Variants in FGF14 observed in about 807,000 individuals in gnomAD.
FGF14 encodes the protein fibroblast growth factor 14.
In FGF14, 5 loss-of-function variants were observed where a neutral mutation model predicts 25.5. The observed-to-expected ratio is 0.20, with a 90% CI of 0.10 to 0.41. The LOEUF (loss-of-function observed/expected upper bound fraction) is 0.41. Among genes scored for constraint, FGF14 ranks in the 10% least tolerant of loss-of-function variants. The pLI is 1.00. For synonymous variants in FGF14, 138 were observed against 118.3 expected, an observed-to-expected ratio of 1.17 and a Z score of -1.08; for missense variants, 222 against 320.1, an observed-to-expected ratio of 0.69 and a Z score of 2.34.
chr13:101,712,953 T>A lies in FGF14; in HGVS notation c.*9878A>T, dbSNP rs2034543077. The stretch of plus-strand genomic sequence containing the variant: ...AGGGCTGTCAGTCAATTATTAAAAC[T>A]GAGAAGACGTGTATATTTCCTCAAG... On this transcript the variant is annotated 3_prime_UTR_variant, in exon 5 of 5. Transcript: ENST00000376143. The A allele has an allele frequency of 6.6e-6, 1 of 152,158 alleles. No homozygotes were observed. The highest frequency in any genetic ancestry group is 1.5e-5 in the Non-Finnish European group (1 of 68,040). 9.4% of individuals were successfully genotyped at this position (152,158 alleles called of 1,614,324 possible).
chr13:101,968,612 G>C (rs928314934), intron 1 of FGF14, among the ~76,000 whole-genome samples: 17 of 149,642 alleles, frequency 1.1e-4, no homozygotes, highest in African/African-American at 4.2e-4. Flanking sequence ...GACGGAGCTT[G>C]CAGTGAGCTG....
chr13:101,867,072 G>A (rs1167897269), intron 3 of FGF14, among the ~76,000 whole-genome samples: 1 of 152,080 alleles, frequency 6.6e-6, no homozygotes, highest in Non-Finnish European at 1.5e-5. Context: ...AATTGTTCCC[G>A]GGACTCACCC....
At position 101,711,971 on chromosome 13, in the gene FGF14, C is replaced by T. The variant is rs1204397397; in HGVS notation, c.*10860G>A. 1.3e-5 allele frequency: 2 copies of T among 152,198 alleles called. No homozygotes were observed. The highest frequency in any genetic ancestry group is 3.9e-4 in the East Asian group (2 of 5,176). 9.4% of individuals were successfully genotyped at this position (152,198 alleles called of 1,614,324 possible). On this transcript the variant is annotated 3_prime_UTR_variant, in exon 5 of 5. Coordinates refer to ENST00000376143, the MANE Select transcript of FGF14 (RefSeq NM_004115.4). ...GCCAGCTGAGTTGAACCATTTCTCA[C>T]CTCTTGATAGTCATGCAGCCTACAT...
intron 2 of FGF14, among the ~76,000 whole-genome samples, chr13:101,874,854 T>C (rs1479258867): frequency 6.6e-6 from 1 of 152,152 alleles, no homozygotes; most frequent in Non-Finnish European, 1.5e-5. Context: ...AGAAAACATG[T>C]AATTAATTTT....
At chr13:101,927,378 G>A (rs1309901598) in intron 1 of FGF14, among the ~76,000 whole-genome samples, 2 of 152,210 alleles carry the variant, frequency 1.3e-5, no homozygotes, top group South Asian at 2.1e-4. Flanking sequence ...GCAGTCAGCT[G>A]TGCTCAGGAG....
intron 3 of FGF14, among the ~76,000 whole-genome samples, chr13:101,765,718 T>TTTATTTA (rs2038347205): frequency 7.0e-6 from 1 of 143,320 alleles, no homozygotes; most frequent in African/African-American, 2.7e-5. Flanking sequence ...ATTATTATTA[T>TTTATTTA]TTTATTTATT....
chr13:101,891,123 A>C (rs890577198), intron 1 of FGF14, among the ~76,000 whole-genome samples: 1 of 152,116 alleles, frequency 6.6e-6, no homozygotes, highest in Non-Finnish European at 1.5e-5. Flanking sequence ...TGAATTCATA[A>C]TTCACATCTT....
intron 3 of FGF14, among the ~76,000 whole-genome samples, chr13:101,823,020 G>C (rs1001849517): frequency 6.6e-5 from 10 of 152,100 alleles, no homozygotes; most frequent in Non-Finnish European, 8.8e-5. Context: ...TTAGTATAAT[G>C]TAGCATATGC....
chr13:101,930,361 TCTC>T (rs141492769), intron 1 of FGF14, among the ~76,000 whole-genome samples: 2,828 of 152,308 alleles, frequency 0.019, 104 homozygotes, highest in African/African-American at 0.065. Context: ...AAAATATTGC[TCTC>T]TTTATGGTCA....
intron 1 of FGF14, among the ~76,000 whole-genome samples, chr13:101,915,314 T>C (rs1236058837): frequency 6.6e-6 from 1 of 152,222 alleles, no homozygotes; most frequent in East Asian, 1.9e-4. Context: ...GAAACACATG[T>C]ATAGCTTATG....
intron 1 of FGF14, among the ~76,000 whole-genome samples, chr13:102,165,649 A>C (rs2047969610): frequency 3.2e-5 from 1 of 31,068 alleles, no homozygotes. Flanking sequence ...GGAACATCAC[A>C]TACTGGGGCC....
intron 1 of FGF14, among the ~76,000 whole-genome samples, chr13:102,252,080 A>G (rs758591711): frequency 1.3e-5 from 2 of 152,160 alleles, no homozygotes; most frequent in African/African-American, 2.4e-5. Flanking sequence ...ATCTATCTGG[A>G]CCATGTTAGG....
chr13:102,101,636 AAG>A (rs1202901861), intron 1 of FGF14, among the ~76,000 whole-genome samples: 2 of 152,224 alleles, frequency 1.3e-5, no homozygotes, highest in African/African-American at 4.8e-5. Flanking sequence ...ACTTGTAGAG[AAG>A]AGTCAGGTGT....
chr13:102,384,636 TTACTC>T (rs1479595663), intron 1 of FGF14, among the ~76,000 whole-genome samples: 1 of 152,164 alleles, frequency 6.6e-6, no homozygotes, highest in African/African-American at 2.4e-5. Context: ...AAATGAAAGA[TTACTC>T]TATGATATTA....
chr13:102,018,101 A>G (rs2040441247), intron 1 of FGF14, among the ~76,000 whole-genome samples: 1 of 152,116 alleles, frequency 6.6e-6, no homozygotes, highest in Admixed American at 6.6e-5. Flanking sequence ...GTTTTCTTAA[A>G]AAGTTTGGTG....
At chr13:102,152,137 C>T (rs1252469480) in intron 1 of FGF14, among the ~76,000 whole-genome samples, 1 of 152,098 alleles carries the variant, frequency 6.6e-6, no homozygotes, top group African/African-American at 2.4e-5. Flanking sequence ...GTTTTCTATA[C>T]CTGAAAGTGA....
intron 1 of FGF14, among the ~76,000 whole-genome samples, chr13:101,902,773 T>C (rs910857043): frequency 8.5e-5 from 13 of 152,242 alleles, no homozygotes; most frequent in African/African-American, 3.1e-4. Flanking sequence ...TGTCATGGTT[T>C]TGAGAATCTG....
At chr13:101,745,893 A>G (rs555652655) in intron 3 of FGF14, among the ~76,000 whole-genome samples, 1 of 152,148 alleles carries the variant, frequency 6.6e-6, no homozygotes, top group South Asian at 2.1e-4. Flanking sequence ...GCTTGGGCAG[A>G]GTGCTCGCAA....
chr13:101,981,124 C>CACACACACAT (rs1566528332), intron 1 of FGF14, among the ~76,000 whole-genome samples: 1 of 147,994 alleles, frequency 6.8e-6, no homozygotes, highest in African/African-American at 2.6e-5. Context: ...CACACACACA[C>CACACACACAT]ACACAATTAG....
Sources: gnomAD v4.1 joint callset for allele counts (sites outside exome capture counted in the v4.1 genomes callset) on GRCh38, gnomAD v4.1.1 for gene constraint, MANE v1.5 for transcripts, NCBI Gene and HGNC (gene_info 2026-07-23, HGNC 2026-07-21) for gene names.